IKBKE: variants seen among roughly 807,000 people sequenced by gnomAD.
IKBKE encodes the protein inhibitor of nuclear factor kappa B kinase subunit epsilon.
IKBKE carries 45 observed loss-of-function variants against 92.1 expected under a neutral mutation model. That is an observed-to-expected ratio of 0.49 (90% CI 0.38 to 0.63). The LOEUF (loss-of-function observed/expected upper bound fraction) is 0.63. Ranked by LOEUF, IKBKE falls within the 20% of genes least tolerant of loss-of-function variation. The probability of loss-of-function intolerance (pLI) is 0.00; values close to 1 mark genes in which losing one functional copy is unlikely to be tolerated. For missense variants in IKBKE, 700 were observed against 932.8 expected (o/e 0.75, Z 3.25); for synonymous variants, 374 against 380.3 (o/e 0.98, Z 0.19).
chr1:206,473,572 C>T (rs1186941911), intron 3 of IKBKE, among the ~76,000 whole-genome samples: 3 of 152,224 alleles, frequency 2.0e-5, no homozygotes, highest in South Asian at 2.1e-4. Context: ...AGGAAGGTAA[C>T]AGCAAATGGA....
Position 206,477,820 on chromosome 1 carries a change from A to G in IKBKE, c.773A>G (p.Glu258Gly), listed in dbSNP as rs782427534. The stretch of plus-strand genomic sequence containing the variant: ...CAGAGGCGGGAGAACGGGCCCCTGG[A>G]GTGGAGCTACACCCTCCCCATCACC... ...GAQRRENGPL[E>G]WSYTLPITCQ... The change falls in exon 8 of 22, where the codon GAG becomes GGG. Residue 258 changes from glutamate (E) to glycine (G), a missense_variant. Glu to Gly is a moderately conservative substitution (Grantham distance 98). Transcript: ENST00000581977. The G allele has an allele frequency of 6.4e-7, 1 of 1,558,674 alleles. No individual in the cohort carries two copies.
chr1:206,487,796 C>A lies in IKBKE; in HGVS notation c.1617-118C>A. 1.3e-6 allele frequency: 1 copy of A among 747,332 alleles called. No individual in the cohort carries two copies. Among genetic ancestry groups the A allele is most frequent in the Non-Finnish European group, 2.3e-6 (1 of 433,370 alleles). 46.3% of individuals were successfully genotyped at this position (747,332 alleles called of 1,614,324 possible). A position where few individuals can be genotyped will look rare whatever the true frequency, so the allele number is the denominator to read the frequency against. Reference sequence around the variant, plus strand: ...AGCCACCTCCACTCCCAGACTGATCCCCCAAAACTGTGGCTGTGAGGCTCC... The same window carrying A: ...AGCCACCTCCACTCCCAGACTGATCACCCAAAACTGTGGCTGTGAGGCTCC... On this transcript the variant is annotated intron_variant, in intron 15 of 21. Coordinates refer to ENST00000581977, the MANE Select transcript of IKBKE (RefSeq NM_014002.4). The surrounding 1 kb of genome is among the most constrained non-coding windows in gnomAD (Gnocchi z 5.3).
Position 206,476,144 on chromosome 1 carries a change from AC to A in IKBKE, c.359-35del. 6.2e-7 allele frequency: 1 copy of A among 1,608,698 alleles called. No homozygotes were observed. The highest frequency in any genetic ancestry group is 2.2e-5 in the East Asian group (1 of 44,800). On this transcript the variant is annotated intron_variant, in intron 5 of 21. Transcript: ENST00000581977. This position sits in a 1 kb window ranked among gnomAD's most constrained non-coding sequence, Gnocchi z 5.1. The stretch of plus-strand genomic sequence containing the variant: ...AGCCTCAGACACTAGACTGTCCCCG[AC>A]CAGAGCCAGCTAGTGGCCTCCCCGT...
intron 13 of IKBKE, among the ~76,000 whole-genome samples, chr1:206,484,095 T>TTTGTTTTGTATTGTATTGTA (rs1553387922): frequency 8.2e-6 from 1 of 122,040 alleles, no homozygotes; most frequent in Non-Finnish European, 1.7e-5. Flanking sequence ...TGGCTTTTAT[T>TTTGTTTTGTATTGTATTGTA]TTGTATTGTA....
At chr1:206,486,755 G>T (rs781882446) in intron 15 of IKBKE, among the ~76,000 whole-genome samples, 1 of 149,658 alleles carries the variant, frequency 6.7e-6, no homozygotes, top group Non-Finnish European at 1.5e-5. Context: ...TGAAGGCTGC[G>T]GATCCCAGGC....
At chr1:206,483,841 C>T (rs1553387845) in intron 13 of IKBKE, among the ~76,000 whole-genome samples, 4 of 152,096 alleles carry the variant, frequency 2.6e-5, no homozygotes, top group African/African-American at 9.7e-5. Flanking sequence ...ATCTGCTGTC[C>T]CACCTTCTGG....
At chr1:206,481,046 A>G (rs950316974) in intron 13 of IKBKE, among the ~76,000 whole-genome samples, 2 of 151,222 alleles carry the variant, frequency 1.3e-5, no homozygotes, top group African/African-American at 4.9e-5. Flanking sequence ...CACTCCCTCC[A>G]CTCCCTTGTC....
rs1553386813 is a variant in IKBKE, at chr1:206,480,532, A to T, written c.1426A>T (p.Arg476Trp). Reference sequence around the variant, plus strand: ...CCTCAGCAGCAGCCTGGGAACTGAGAGGTGGGTGTTCGCCTCAGGCCAGCT... The same window carrying T: ...CCTCAGCAGCAGCCTGGGAACTGAGTGGTGGGTGTTCGCCTCAGGCCAGCT... ...LYLSSSLGTE[R>W]FSSVAGTPEI... The change falls in exon 13 of 22, where the codon AGG becomes TGG. Residue 476 changes from arginine (R) to tryptophan (W), a missense_variant and splice_region_variant. Physicochemically the swap from Arg to Trp is moderately radical, Grantham distance 101 (BLOSUM62 -3). Transcript: ENST00000581977. 1 of 1,612,242 alleles carries T rather than the reference A, an allele frequency of 6.2e-7. No individual in the cohort carries two copies. Among genetic ancestry groups the T allele is most frequent in the Non-Finnish European group, 8.5e-7 (1 of 1,178,798 alleles).
At chr1:206,475,581 A>G (rs1160504724) in intron 5 of IKBKE, among the ~76,000 whole-genome samples, 2 of 152,104 alleles carry the variant, frequency 1.3e-5, no homozygotes, top group Non-Finnish European at 2.9e-5. Context: ...CTAAAAAAAT[A>G]CAAAAATTAG....
intron 21 of IKBKE, among the ~76,000 whole-genome samples, chr1:206,495,103 C>T (rs781889620): frequency 1.3e-5 from 2 of 151,972 alleles, no homozygotes; most frequent in Non-Finnish European, 2.9e-5. Context: ...CCCTGAAGGC[C>T]AGCGGCCCTG....
intron 2 of IKBKE, chr1:206,472,704 G>A (rs1256677024): frequency 5.0e-6 from 1 of 198,480 alleles, no homozygotes; most frequent in East Asian, 1.8e-4. Context: ...CAGGCCAGCG[G>A]GGGCTGGGGG....
At position 206,490,758 on chromosome 1, in the gene IKBKE, G is replaced by A; in HGVS notation, c.1694-61G>A. On this transcript the variant is annotated intron_variant, in intron 16 of 21. Transcript: ENST00000581977. The surrounding 1 kb of genome is among the most constrained non-coding windows in gnomAD (Gnocchi z 5.2). ...ATCTTTTAACTGTCTCTCGACCTTT[G>A]CTGCACACTGTTTCGTTGACTGATT... 2 of 1,544,610 alleles carry A rather than the reference G, an allele frequency of 1.3e-6. No homozygotes were observed. The highest frequency in any genetic ancestry group is 1.8e-6 in the Non-Finnish European group (2 of 1,116,650).
Position 206,476,635 on chromosome 1 carries a change from C to T in IKBKE, c.541-43C>T, listed in dbSNP as rs1158750425. 1 of 1,611,670 alleles carries T rather than the reference C, an allele frequency of 6.2e-7. No individual in the cohort carries two copies. Among genetic ancestry groups the T allele is most frequent in the Admixed American group, 1.7e-5 (1 of 59,826 alleles). On this transcript the variant is annotated intron_variant, in intron 6 of 21. Coordinates refer to ENST00000581977, the MANE Select transcript of IKBKE (RefSeq NM_014002.4). This position sits in a 1 kb window ranked among gnomAD's most constrained non-coding sequence, Gnocchi z 5.1. ...GGTCTGACAGGTCTCAGGCCCTTGC[C>T]AGCCCTCCGGCTCCATGGCCTCATT...
At position 206,496,330 on chromosome 1, in the gene IKBKE, T is replaced by A. The variant is rs1474448552; in HGVS notation, c.*185T>A. On this transcript the variant is annotated 3_prime_UTR_variant, in exon 22 of 22. Coordinates refer to ENST00000581977, the MANE Select transcript of IKBKE (RefSeq NM_014002.4). ...CTTTCTCCCTGGGAAGCAGCACAGC[T>A]GAGACTGGGCACCAGGCCACCTCTG... 3 of 601,614 alleles carry A rather than the reference T, an allele frequency of 5.0e-6. No homozygotes were observed. Among genetic ancestry groups the A allele is most frequent in the Non-Finnish European group, 9.0e-6 (3 of 334,422 alleles). 37.3% of individuals were successfully genotyped at this position (601,614 alleles called of 1,614,324 possible). A position where few individuals can be genotyped will look rare whatever the true frequency, so the allele number is the denominator to read the frequency against.
chr1:206,487,968 C>A lies in IKBKE; in HGVS notation c.1671C>A (p.Phe557Leu). The A allele has an allele frequency of 6.2e-7, 1 of 1,613,616 alleles. No homozygotes were observed. The highest frequency in any genetic ancestry group is 1.1e-5 in the South Asian group (1 of 90,922). Residue 557 changes from phenylalanine (F) to leucine (L), a missense_variant, in exon 16 of 22, where the codon TTC becomes TTA. By Grantham distance (22) the Phe-to-Leu change is conservative. Coordinates refer to ENST00000581977, the MANE Select transcript of IKBKE (RefSeq NM_014002.4). The surrounding 1 kb of genome is among the most constrained non-coding windows in gnomAD (Gnocchi z 5.3). ...AGATGAACTTCATCTACAAACAGTT[C>A]AAGAAGTCTAGGATGAGGCCAGGTG... ...LDKMNFIYKQ[F>L]KKSRMRPGLG...
chr1:206,475,027 A>G (rs1471513841), intron 5 of IKBKE, 33 bp downstream of exon 5: 49 of 1,611,680 alleles, frequency 3.0e-5, no homozygotes, highest in Non-Finnish European at 4.0e-5. Context: ...CTCCACCCTC[A>G]GACCAGCGGC....
At chr1:206,481,146 A>T (rs1665363942) in intron 13 of IKBKE, among the ~76,000 whole-genome samples, 1 of 152,132 alleles carries the variant, frequency 6.6e-6, no homozygotes, top group African/African-American at 2.4e-5. Context: ...GGAATGTGGG[A>T]AGACTTCATT....
At chr1:206,474,498 G>T (rs782671499) in intron 4 of IKBKE, 27 bp downstream of exon 4, 2 of 1,599,604 alleles carry the variant, frequency 1.3e-6, no homozygotes, top group South Asian at 2.2e-5. Flanking sequence ...GTCAGAGAAT[G>T]GTCTTGTCCT....
intron 1 of IKBKE, among the ~76,000 whole-genome samples, chr1:206,470,919 G>A (rs925672286): frequency 1.4e-4 from 22 of 152,330 alleles, no homozygotes; most frequent in African/African-American, 4.1e-4. Context: ...AGCACCCAGC[G>A]CCTGCCCTCA....
Sources: gnomAD v4.1 joint callset for allele counts (sites outside exome capture counted in the v4.1 genomes callset) on GRCh38, gnomAD v4.1.1 for gene constraint, Gnocchi (gnomAD v3.1) non-coding constraint, MANE v1.5 for transcripts, NCBI Gene and HGNC (gene_info 2026-07-23, HGNC 2026-07-21) for gene names.